The following B3GLCT variants were observed in gnomAD, a reference collection of about 807,000 sequenced individuals.
The protein encoded by B3GLCT is beta 3-glucosyltransferase.
B3GLCT carries 65 observed loss-of-function variants against 63.4 expected under a neutral mutation model. That is an observed-to-expected ratio of 1.03 (90% CI 0.84 to 1.26). The LOEUF is 1.26. B3GLCT is among the 50% of genes most tolerant of loss of function. The pLI, the probability that B3GLCT is intolerant of heterozygous loss-of-function variation, is 0.00. For missense variants in B3GLCT, 577 were observed against 604.8 expected (o/e 0.95, Z 0.48); for synonymous variants, 233 against 219.2 (o/e 1.06, Z -0.55).
intron 13 of B3GLCT, among the ~76,000 whole-genome samples, chr13:31,322,761 T>C (rs1875395057): frequency 6.6e-6 from 1 of 152,146 alleles, no homozygotes; most frequent in South Asian, 2.1e-4. Flanking sequence ...TTTTTTCTCA[T>C]TTTACTAGAT....
At chr13:31,211,248 A>G (rs994494761) in intron 1 of B3GLCT, among the ~76,000 whole-genome samples, 4 of 152,112 alleles carry the variant, frequency 2.6e-5, no homozygotes, top group Non-Finnish European at 5.9e-5. Flanking sequence ...TACAAAAATT[A>G]GCTGGGCATG....
intron 4 of B3GLCT, among the ~76,000 whole-genome samples, chr13:31,232,037 A>G (rs954362813): frequency 2.0e-5 from 3 of 152,222 alleles, no homozygotes; most frequent in African/African-American, 7.2e-5. Context: ...GCAGCTGAGC[A>G]GGTGTGGATT....
chr13:31,278,924 C>T (rs933175628), intron 10 of B3GLCT, among the ~76,000 whole-genome samples: 21 of 152,182 alleles, frequency 1.4e-4, no homozygotes, highest in African/African-American at 4.1e-4. Context: ...TGATACACAA[C>T]TGGCTCAGTT....
In B3GLCT at chr13:31,301,512, T is replaced by A. The variant is rs1160803621; in HGVS notation, c.1064+14693T>A. On this transcript the variant is annotated intron_variant, in intron 12 of 14. Transcript: ENST00000343307. ...AGATAAAACCATTTCACATGAAGTA[T>A]GTTCAAATATGGCAGCTTTCATAAT... 3.3e-5 allele frequency among the ~76,000 whole-genome samples: 5 copies of A among 152,232 alleles called. No homozygotes were observed. The East Asian group carries it at 9.6e-4, about 29-fold the overall frequency.
intron 12 of B3GLCT, among the ~76,000 whole-genome samples, chr13:31,317,353 C>T (rs952856207): frequency 6.6e-6 from 1 of 152,160 alleles, no homozygotes; most frequent in Non-Finnish European, 1.5e-5. Context: ...AGTTTCTCTT[C>T]TGTTTCCAGT....
chr13:31,292,084 G>A (rs1873689271), intron 12 of B3GLCT, among the ~76,000 whole-genome samples: 1 of 152,152 alleles, frequency 6.6e-6, no homozygotes, highest in South Asian at 2.1e-4. Flanking sequence ...TGTGGTTTTT[G>A]TCATTGGTTC....
rs532500889 is a variant in B3GLCT, at chr13:31,228,149, A to G, written c.161-1036A>G. 7.2e-5 allele frequency among the ~76,000 whole-genome samples: 11 copies of G among 152,326 alleles called. 1 individual carries two copies. In the South Asian group the frequency reaches 1.9e-3, roughly 26 times the overall value. ...TAGCAGGCTGGTGAATACTGCCAGC[A>G]TGGGGTGTTATAGATGGGCTTTATG... On this transcript the variant is annotated intron_variant, in intron 3 of 14. Coordinates refer to ENST00000343307, the MANE Select transcript of B3GLCT (RefSeq NM_194318.4).
intron 2 of B3GLCT, among the ~76,000 whole-genome samples, chr13:31,215,619 GC>G (rs1869520963): frequency 6.6e-6 from 1 of 152,050 alleles, no homozygotes; most frequent in African/African-American, 2.4e-5. Context: ...TCATCATGTT[GC>G]CCAGGCTGAT....
At chr13:31,207,633 A>C (rs950352339) in intron 1 of B3GLCT, among the ~76,000 whole-genome samples, 2 of 152,104 alleles carry the variant, frequency 1.3e-5, no homozygotes, top group East Asian at 3.9e-4. Context: ...TGGTCTCATC[A>C]AACTTTGTTG....
intron 1 of B3GLCT, among the ~76,000 whole-genome samples, chr13:31,214,576 C>G (rs1464376649): frequency 6.6e-6 from 1 of 152,204 alleles, no homozygotes; most frequent in East Asian, 1.9e-4. Context: ...CATCACACTT[C>G]TAACCTTGCA....
At chr13:31,258,671 A>G (rs1871863343) in intron 6 of B3GLCT, among the ~76,000 whole-genome samples, 1 of 152,164 alleles carries the variant, frequency 6.6e-6, no homozygotes. Context: ...AAAAACATGT[A>G]TACTGTCTCC....
At chr13:31,325,070 G>A (rs972164825) in intron 14 of B3GLCT, among the ~76,000 whole-genome samples, 7 of 152,142 alleles carry the variant, frequency 4.6e-5, no homozygotes, top group Non-Finnish European at 7.4e-5. Context: ...AACTTAGCAT[G>A]ACAGAAATAG....
chr13:31,310,395 C>CAGTAGGAGTGAAA (rs1277195353), intron 12 of B3GLCT, among the ~76,000 whole-genome samples: 1 of 152,200 alleles, frequency 6.6e-6, no homozygotes, highest in Non-Finnish European at 1.5e-5. Flanking sequence ...ACCCGCTGAA[C>CAGTAGGAGTGAAA]AGTAGGAGTG....
intron 10 of B3GLCT, among the ~76,000 whole-genome samples, chr13:31,278,531 T>C (rs1485664357): frequency 1.3e-5 from 2 of 152,222 alleles, no homozygotes; most frequent in Admixed American, 6.5e-5. Flanking sequence ...AGGCCTAAAA[T>C]GTATCATGAA....
At chr13:31,237,111 G>A (rs1870690553) in intron 4 of B3GLCT, among the ~76,000 whole-genome samples, 1 of 139,728 alleles carries the variant, frequency 7.2e-6, no homozygotes, top group South Asian at 2.4e-4. Context: ...GGGCAACAGA[G>A]CGAGACTCCA....
chr13:31,320,837 C>G (rs933536743), intron 13 of B3GLCT, among the ~76,000 whole-genome samples: 1 of 152,208 alleles, frequency 6.6e-6, no homozygotes, highest in African/African-American at 2.4e-5. Context: ...TCTCTGCATA[C>G]CATTGTTTCC....
intron 4 of B3GLCT, among the ~76,000 whole-genome samples, chr13:31,233,601 T>C (rs1191604905): frequency 6.6e-6 from 1 of 152,158 alleles, no homozygotes; most frequent in Non-Finnish European, 1.5e-5. Context: ...TAGGCCAAGC[T>C]GCTTCCTTTT....
intron 8 of B3GLCT, among the ~76,000 whole-genome samples, chr13:31,272,953 T>C (rs990316207): frequency 3.3e-5 from 5 of 152,236 alleles, no homozygotes; most frequent in African/African-American, 1.2e-4. Flanking sequence ...AGTGAGGTGG[T>C]AAATTCTCTC....
chr13:31,218,337 C>T (rs1474601264), intron 2 of B3GLCT, among the ~76,000 whole-genome samples: 1 of 151,866 alleles, frequency 6.6e-6, no homozygotes, highest in African/African-American at 2.4e-5. Flanking sequence ...TTATAGGCGC[C>T]TGCCACCACA....
Sources: gnomAD v4.1 joint callset for allele counts (sites outside exome capture counted in the v4.1 genomes callset) on GRCh38, gnomAD v4.1.1 for gene constraint, MANE v1.5 for transcripts, NCBI Gene and HGNC (gene_info 2026-07-23, HGNC 2026-07-21) for gene names.